The following HEBP1 variants were observed in gnomAD, a reference collection of about 807,000 sequenced individuals.
The protein encoded by HEBP1 is heme binding protein 1, also known as heme-binding protein 1.
A neutral mutation model predicts 20.4 loss-of-function variants in HEBP1; 13 were observed. The observed-to-expected ratio is 0.64, with a 90% CI of 0.42 to 1.01. HEBP1 has a LOEUF of 1.01. Ranked by LOEUF, HEBP1 falls within the 50% of genes least tolerant of loss-of-function variation. HEBP1 has a pLI of 0.00. For synonymous variants in HEBP1, 92 were observed against 90.7 expected, an observed-to-expected ratio of 1.01 and a Z score of -0.08; for missense variants, 241 against 247.3, an observed-to-expected ratio of 0.97 and a Z score of 0.17.
chr12:12,982,416 G>A (rs1361608724), intron 3 of HEBP1, among the ~76,000 whole-genome samples: 1 of 152,150 alleles, frequency 6.6e-6, no homozygotes, highest in African/African-American at 2.4e-5. Context: ...TACAAACAGG[G>A]TTGAATTATC....
At chr12:12,978,829 G>A (rs1439703736) in intron 3 of HEBP1, 2 of 152,168 alleles carry the variant, frequency 1.3e-5, no homozygotes, top group Non-Finnish European at 2.9e-5. Flanking sequence ...AGCTGTAGGG[G>A]TGTTCATGAT....
intron 1 of HEBP1, among the ~76,000 whole-genome samples, 160 bp from the exon 2 acceptor site, chr12:12,989,575 G>C (rs1187828594): frequency 2.0e-5 from 3 of 152,104 alleles, no homozygotes; most frequent in African/African-American, 7.2e-5. Context: ...ATAGATTCTG[G>C]GATTCTTGTA....
rs778807322 is a variant in HEBP1, at chr12:12,975,313, T to C, written c.565A>G (p.Thr189Ala). ...GRRNEIWLLK[T>A] ...TTCTTGGTTCAGTGGGTCACTCATG[T>C]CTTCAACAGCCAGATCTCATTGCGC... The change falls in exon 4 of 4, where the codon ACA becomes GCA. Residue 189 changes from threonine (T) to alanine (A), a missense_variant. By Grantham distance (58) the Thr-to-Ala change is moderately conservative. Transcript: ENST00000014930. The C allele has an allele frequency of 5.0e-6, 8 of 1,613,596 alleles. No homozygotes were observed. The East Asian group carries it at 1.6e-4, about 31-fold the overall frequency.
Position 13,000,019 on chromosome 12 carries a change from GCAGCCCTGCGGGCCTACCTTGTCCC to G in HEBP1, c.71_78+17del. On this transcript the variant is annotated splice_donor_variant and splice_donor_5th_base_variant and coding_sequence_variant and intron_variant, in exon 1 of 4. Transcript: ENST00000014930. LOFTEE classifies it high-confidence loss of function. ...GAGGCAGCAATCCTTCAGGTCCTCGGCAGCCCTGCGGGCCTACCTTGTCCCCTTTGCTTAGGACCTGCCAAGGCCA... is the reference window on the plus strand; with the variant it reads ...GAGGCAGCAATCCTTCAGGTCCTCGGCTTTGCTTAGGACCTGCCAAGGCCA... 6.3e-7 allele frequency: 1 copy of G among 1,586,676 alleles called. No individual in the cohort carries two copies. The highest frequency in any genetic ancestry group is 2.3e-5 in the East Asian group (1 of 44,280).
At chr12:12,992,279 G>C (rs3782570) in intron 1 of HEBP1, among the ~76,000 whole-genome samples, 104,968 of 152,152 alleles carry the variant, frequency 0.69, 39,549 homozygotes, top group East Asian at 0.97. Context: ...TCTCTGCTAA[G>C]AGCAACCTTC....
At chr12:12,991,426 G>C (rs960656950) in intron 1 of HEBP1, among the ~76,000 whole-genome samples, 28 of 152,022 alleles carry the variant, frequency 1.8e-4, no homozygotes, top group African/African-American at 6.8e-4. Flanking sequence ...TTAATGCTCA[G>C]CTCCACTGTC....
At chr12:12,994,624 G>C (rs1387869415) in intron 1 of HEBP1, among the ~76,000 whole-genome samples, 3 of 152,082 alleles carry the variant, frequency 2.0e-5, no homozygotes, top group African/African-American at 7.2e-5. Flanking sequence ...ATCCTTCAAG[G>C]CTTGGCTCAA....
intron 1 of HEBP1, among the ~76,000 whole-genome samples, chr12:12,991,116 A>G (rs1384729547): frequency 1.3e-5 from 2 of 152,188 alleles, no homozygotes; most frequent in African/African-American, 4.8e-5. Context: ...CTCTGCATGA[A>G]TTACTCTTTC....
intron 3 of HEBP1, chr12:12,985,583 A>G (rs1864141913): frequency 6.6e-6 from 1 of 152,112 alleles, no homozygotes. Context: ...CTTAATGTGA[A>G]CTGATTCAAT....
chr12:12,989,829 C>T (rs964322591), intron 1 of HEBP1, among the ~76,000 whole-genome samples: 5 of 152,058 alleles, frequency 3.3e-5, no homozygotes, highest in African/African-American at 4.8e-5. Flanking sequence ...AAAAATACAA[C>T]GATGACAATC....
chr12:12,987,590 T>TTCTCTCTCTCTCTCTCTCTC (rs145821079), intron 2 of HEBP1, among the ~76,000 whole-genome samples: 2 of 133,304 alleles, frequency 1.5e-5, no homozygotes, highest in South Asian at 2.5e-4. Context: ...ATCAGTCTCT[T>TTCTCTCTCTCTCTCTCTCTC]TCTCTCTCTC....
intron 3 of HEBP1, chr12:12,984,503 T>TCAC (rs1864128491): frequency 1.3e-5 from 2 of 152,188 alleles, no homozygotes; most frequent in Admixed American, 1.3e-4. Flanking sequence ...CAGAGGGATG[T>TCAC]GGTAAAATGT....
intron 2 of HEBP1, among the ~76,000 whole-genome samples, chr12:12,989,002 T>C (rs907201950): frequency 1.3e-5 from 2 of 151,720 alleles, no homozygotes; most frequent in African/African-American, 4.8e-5. Flanking sequence ...AAAAAAAAAA[T>C]AGAGCCTATG....
intron 1 of HEBP1, 64 bp from the exon 2 acceptor site, chr12:12,989,479 G>A (rs1318252753): frequency 2.6e-6 from 4 of 1,563,222 alleles, no homozygotes; most frequent in Non-Finnish European, 3.5e-6. Context: ...GTCTCTAGAA[G>A]TAGTAACAGA....
rs140357176 is a variant in HEBP1 at position 12,989,385 on chromosome 12, C to T, written c.109G>A (p.Glu37Lys). ...EEVAYEERAC[E>K]GGKFATVEVT... The stretch of plus-strand genomic sequence containing the variant: ...TCTACTGTGGCAAATTTGCCGCCTT[C>T]ACAGGCCCTTTCTTCATAGGCAACT... The change falls in exon 2 of 4, where the codon GAA (glutamate) becomes AAA (lysine). Residue 37 changes from glutamate (E) to lysine (K), a missense_variant. Transcript: ENST00000014930. 8.8e-5 allele frequency: 142 copies of T among 1,614,092 alleles called. No individual in the cohort carries two copies. Among genetic ancestry groups the T allele is most frequent in the Non-Finnish European group, 1.2e-4 (137 of 1,180,024 alleles).
chr12:12,975,312 G>T lies in HEBP1; in HGVS notation c.566C>A (p.Thr189Lys). The T allele has an allele frequency of 6.2e-7, 1 of 1,613,708 alleles. No homozygotes were observed. Among genetic ancestry groups the T allele is most frequent in the East Asian group, 2.2e-5 (1 of 44,836 alleles). Residue 189 changes from threonine (T) to lysine (K), a missense_variant, in exon 4 of 4, where the codon ACA becomes AAA. Transcript: ENST00000014930. Reference sequence around the variant, plus strand: ...GTTCTTGGTTCAGTGGGTCACTCATGTCTTCAACAGCCAGATCTCATTGCG... The same window carrying T: ...GTTCTTGGTTCAGTGGGTCACTCATTTCTTCAACAGCCAGATCTCATTGCG... ...GRRNEIWLLK[T>K]
At chr12:12,985,148 A>G (rs1339641699) in intron 3 of HEBP1, among the ~76,000 whole-genome samples, 1 of 144,382 alleles carries the variant, frequency 6.9e-6, no homozygotes, top group Non-Finnish European at 1.5e-5. Context: ...ACTCCGTTGG[A>G]AAAAAAAAAA....
intron 3 of HEBP1, among the ~76,000 whole-genome samples, chr12:12,977,026 T>A (rs1863997869): frequency 6.6e-6 from 1 of 152,224 alleles, no homozygotes; most frequent in Non-Finnish European, 1.5e-5. Context: ...ACTGAACTGT[T>A]CTCTAGGAAA....
chr12:12,987,765 T>C (rs943741085), intron 2 of HEBP1, among the ~76,000 whole-genome samples: 4 of 152,058 alleles, frequency 2.6e-5, no homozygotes, highest in Non-Finnish European at 4.4e-5. Context: ...GCCTTCTGAG[T>C]AGATGGGATT....
Sources: allele counts gnomAD v4.1 joint callset (sites outside exome capture counted in the v4.1 genomes callset), GRCh38; gene constraint gnomAD v4.1.1; transcripts MANE v1.5; gene names NCBI Gene and HGNC (gene_info 2026-07-23, HGNC 2026-07-21).